Variants in NCAM2 observed in about 807,000 individuals in gnomAD.
NCAM2 encodes neural cell adhesion molecule 2, also known as N-CAM-2.
Under a neutral mutation model 98.1 loss-of-function variants are expected in NCAM2, and 30 were observed. The ratio of observed to expected loss-of-function variants is 0.31; its 90% CI spans 0.23 to 0.41. NCAM2 has a LOEUF of 0.41. Ranked by LOEUF, NCAM2 falls within the 10% of genes least tolerant of loss-of-function variation. The pLI, the probability that NCAM2 is intolerant of heterozygous loss-of-function variation, is 1.00. For missense variants in NCAM2, 867 were observed against 1,005.8 expected, an observed-to-expected ratio of 0.86 and a Z score of 1.87; for synonymous variants, 368 against 342.4, an observed-to-expected ratio of 1.07 and a Z score of -0.83.
At chr21:21,007,794 G>A (rs1319989231) in intron 1 of NCAM2, among the ~76,000 whole-genome samples, 1 of 152,122 alleles carries the variant, frequency 6.6e-6, no homozygotes, top group African/African-American at 2.4e-5. Flanking sequence ...TTTATGACCT[G>A]TATCTCGTGC....
At chr21:21,464,393 TGAGC>T (rs1285186220) in intron 12 of NCAM2, among the ~76,000 whole-genome samples, 1 of 152,162 alleles carries the variant, frequency 6.6e-6, no homozygotes, top group East Asian at 1.9e-4. Context: ...ATGGGGCGTA[TGAGC>T]CTAGCTCACC....
intron 12 of NCAM2, among the ~76,000 whole-genome samples, chr21:21,447,142 C>T (rs1378127676): frequency 6.6e-6 from 1 of 152,126 alleles, no homozygotes; most frequent in African/African-American, 2.4e-5. Flanking sequence ...AGCTACCTGA[C>T]TTCAAAATAT....
chr21:21,243,093 T>C (rs907568468), intron 1 of NCAM2, among the ~76,000 whole-genome samples: 3 of 152,130 alleles, frequency 2.0e-5, no homozygotes, highest in Non-Finnish European at 2.9e-5. Context: ...CAGGGAATCT[T>C]AAAAGAGACA....
chr21:21,134,954 G>A (rs576502495), intron 1 of NCAM2, among the ~76,000 whole-genome samples: 15 of 151,994 alleles, frequency 9.9e-5, no homozygotes, highest in African/African-American at 2.9e-4. Flanking sequence ...TTCTGAACTC[G>A]CTGGGCGCGG....
chr21:21,239,246 T>TA (rs2070967815), intron 1 of NCAM2: 1 of 152,282 alleles, frequency 6.6e-6, no homozygotes, highest in South Asian at 2.1e-4. Flanking sequence ...AAAATATATA[T>TA]AAAATGTTTC....
chr21:21,332,286 T>C (rs966333998), intron 6 of NCAM2, among the ~76,000 whole-genome samples: 1 of 152,162 alleles, frequency 6.6e-6, no homozygotes, highest in Non-Finnish European at 1.5e-5. Context: ...TTTTACTTTG[T>C]TTTATAGATG....
chr21:21,216,350 G>C (rs947722900), intron 1 of NCAM2, among the ~76,000 whole-genome samples: 1 of 152,196 alleles, frequency 6.6e-6, no homozygotes, highest in Non-Finnish European at 1.5e-5. Flanking sequence ...GGGTACTGCT[G>C]TGTTTTCAGG....
At chr21:21,127,038 T>G (rs2146596048) in intron 1 of NCAM2, among the ~76,000 whole-genome samples, 1 of 152,086 alleles carries the variant, frequency 6.6e-6, no homozygotes, top group Admixed American at 6.6e-5. Flanking sequence ...TTTACCATGT[T>G]ATTTCATTAT....
intron 9 of NCAM2, among the ~76,000 whole-genome samples, chr21:21,394,958 T>C (rs539507831): frequency 2.6e-5 from 4 of 152,294 alleles, no homozygotes; most frequent in South Asian, 4.1e-4. Flanking sequence ...TTTACTGTTA[T>C]TGACTGAATA....
intron 15 of NCAM2, among the ~76,000 whole-genome samples, chr21:21,478,530 A>T (rs952856256): frequency 6.6e-6 from 1 of 151,958 alleles, no homozygotes; most frequent in African/African-American, 2.4e-5. Flanking sequence ...TTGTTTAGTA[A>T]TTGAAAGCAG....
chr21:21,497,822 T>G (rs998924380), intron 15 of NCAM2, among the ~76,000 whole-genome samples: 1 of 152,128 alleles, frequency 6.6e-6, no homozygotes, highest in Admixed American at 6.5e-5. Flanking sequence ...TAAAACGACC[T>G]TATTGAAAGT....
chr21:21,368,605 C>T (rs902269822), intron 8 of NCAM2, among the ~76,000 whole-genome samples: 1 of 151,824 alleles, frequency 6.6e-6, no homozygotes, highest in Non-Finnish European at 1.5e-5. Context: ...GTCAAAGATG[C>T]TGTTTTCTTC....
intron 17 of NCAM2, among the ~76,000 whole-genome samples, chr21:21,537,543 C>T (rs781195937): frequency 6.6e-6 from 1 of 152,118 alleles, no homozygotes; most frequent in Non-Finnish European, 1.5e-5. Flanking sequence ...CAATTTGGTG[C>T]ATCTATATCT....
intron 1 of NCAM2, among the ~76,000 whole-genome samples, chr21:21,040,862 G>A (rs1204948801): frequency 1.3e-5 from 2 of 152,142 alleles, no homozygotes; most frequent in African/African-American, 4.8e-5. Context: ...CTATGGCACT[G>A]TCGGTGACTC....
At chr21:21,305,830 C>A (rs2073862831) in intron 5 of NCAM2, among the ~76,000 whole-genome samples, 1 of 151,938 alleles carries the variant, frequency 6.6e-6, no homozygotes. Flanking sequence ...CAAGGTTAAA[C>A]CTGATAATAC....
chr21:21,221,100 A>G (rs1331832080), intron 1 of NCAM2, among the ~76,000 whole-genome samples: 1 of 152,106 alleles, frequency 6.6e-6, no homozygotes, highest in Non-Finnish European at 1.5e-5. Context: ...TTGAAGATAA[A>G]ATTTTAATTG....
chr21:21,522,968 T>G (rs1281012202), intron 16 of NCAM2, among the ~76,000 whole-genome samples: 1 of 152,188 alleles, frequency 6.6e-6, no homozygotes, highest in Non-Finnish European at 1.5e-5. Flanking sequence ...AACTAGAAAC[T>G]CAGGTCTCCA....
At chr21:21,183,702 C>T (rs1036469910) in intron 1 of NCAM2, among the ~76,000 whole-genome samples, 22 of 151,952 alleles carry the variant, frequency 1.4e-4, no homozygotes, top group African/African-American at 2.9e-4. Flanking sequence ...TTGAGAAATT[C>T]GTATGATTAT....
At chr21:21,191,531 G>A (rs768087262) in intron 1 of NCAM2, among the ~76,000 whole-genome samples, 1 of 151,978 alleles carries the variant, frequency 6.6e-6, no homozygotes, top group Non-Finnish European at 1.5e-5. Context: ...TATGCCTTTA[G>A]TTTACATACA....
Sources: gnomAD v4.1 joint callset for allele counts (sites outside exome capture counted in the v4.1 genomes callset) on GRCh38, gnomAD v4.1.1 for gene constraint, MANE v1.5 for transcripts, NCBI Gene and HGNC (gene_info 2026-07-23, HGNC 2026-07-21) for gene names.